PDE10A: variants seen among roughly 807,000 people sequenced by gnomAD.
The protein encoded by PDE10A is cAMP and cAMP-inhibited cGMP 3',5'-cyclic phosphodiesterase 10A.
A neutral mutation model predicts 97.7 loss-of-function variants in PDE10A; 39 were observed. The observed-to-expected ratio is 0.40, with a 90% CI of 0.31 to 0.52. The LOEUF is 0.52. Among genes scored for constraint, PDE10A ranks in the 20% least tolerant of loss-of-function variants. The pLI is 0.56. For missense variants in PDE10A, 731 were observed against 1,047.8 expected (o/e 0.70, Z 4.17); for synonymous variants, 371 against 376.8 (o/e 0.98, Z 0.18).
intron 1 of PDE10A, among the ~76,000 whole-genome samples, chr6:165,920,859 C>T (rs981860451): frequency 6.6e-6 from 1 of 152,072 alleles, no homozygotes; most frequent in Non-Finnish European, 1.5e-5. Flanking sequence ...TGTTCCTGAA[C>T]CACAGTAGAT....
At chr6:165,787,932 C>T (rs1435352276) in intron 1 of PDE10A, among the ~76,000 whole-genome samples, 2 of 152,322 alleles carry the variant, frequency 1.3e-5, no homozygotes, top group East Asian at 1.9e-4. Context: ...AGTTCTATAA[C>T]TTGTTTGCTA....
At chr6:165,492,281 A>C (rs1011748611) in intron 2 of PDE10A, among the ~76,000 whole-genome samples, 2 of 152,218 alleles carry the variant, frequency 1.3e-5, no homozygotes, top group East Asian at 1.9e-4. Context: ...CAGACATTCA[A>C]AGAAGAATTG....
At chr6:165,546,706 G>A (rs1783759916) in intron 1 of PDE10A, among the ~76,000 whole-genome samples, 1 of 151,990 alleles carries the variant, frequency 6.6e-6, no homozygotes, top group Non-Finnish European at 1.5e-5. Flanking sequence ...TAGATGGTGG[G>A]GACAAGATTT....
chr6:165,913,698 G>A (rs557719991), intron 1 of PDE10A, among the ~76,000 whole-genome samples: 17 of 152,098 alleles, frequency 1.1e-4, no homozygotes, highest in East Asian at 3.9e-4. Flanking sequence ...CTTGGGTCAC[G>A]GTTTCATAAA....
chr6:165,520,742 G>A (rs1782080570), intron 2 of PDE10A, among the ~76,000 whole-genome samples: 2 of 152,098 alleles, frequency 1.3e-5, no homozygotes, highest in African/African-American at 4.8e-5. Flanking sequence ...TGAGTTACTA[G>A]TTGGCCAGGA....
At chr6:165,528,592 T>A (rs1782586254) in intron 2 of PDE10A, among the ~76,000 whole-genome samples, 1 of 152,194 alleles carries the variant, frequency 6.6e-6, no homozygotes, top group Admixed American at 6.5e-5. Context: ...TGGATATAGG[T>A]TTGCCTATCC....
chr6:165,920,785 T>C (rs2128488324), intron 1 of PDE10A, among the ~76,000 whole-genome samples: 1 of 152,354 alleles, frequency 6.6e-6, no homozygotes, highest in East Asian at 1.9e-4. Context: ...TCACTCTGAA[T>C]AACACACTAG....
intron 7 of PDE10A, 51 bp from the exon 8 acceptor site, chr6:165,431,523 T>C (rs752968665): frequency 3.2e-6 from 2 of 616,648 alleles, no homozygotes; most frequent in Non-Finnish European, 5.3e-6. Context: ...ATAACGTATA[T>C]ATATATACTA....
intron 2 of PDE10A, 38 bp downstream of exon 2, chr6:165,543,402 A>T: frequency 6.3e-7 from 1 of 1,582,408 alleles, no homozygotes; most frequent in Non-Finnish European, 8.6e-7. Flanking sequence ...GTAAGATAGA[A>T]AAAGCTGGTT....
chr6:165,704,843 C>T (rs146450903), intron 1 of PDE10A, among the ~76,000 whole-genome samples: 5 of 152,172 alleles, frequency 3.3e-5, no homozygotes, highest in Non-Finnish European at 5.9e-5. Flanking sequence ...TGGGGAAAGG[C>T]GTACTTAGAC....
intron 18 of PDE10A, among the ~76,000 whole-genome samples, chr6:165,364,729 C>T (rs1180777327): frequency 1.3e-5 from 2 of 152,072 alleles, no homozygotes; most frequent in East Asian, 1.9e-4. Flanking sequence ...AAATATTGAT[C>T]AACTATAAAA....
intron 1 of PDE10A, among the ~76,000 whole-genome samples, chr6:165,876,112 T>C (rs1348461430): frequency 6.6e-6 from 1 of 152,244 alleles, no homozygotes; most frequent in Admixed American, 6.5e-5. Context: ...ATGTTTATGA[T>C]GCGACTGATC....
At chr6:165,410,822 C>T (rs1335638176) in intron 13 of PDE10A, among the ~76,000 whole-genome samples, 2 of 151,246 alleles carry the variant, frequency 1.3e-5, no homozygotes, top group Non-Finnish European at 2.9e-5. Context: ...GGCGCGGTGG[C>T]TCACGCCTGT....
In PDE10A at chr6:165,865,857, C is replaced by T. The variant is rs188555053; in HGVS notation, c.-615+121672G>A. Among the ~76,000 whole-genome samples, 616 of 152,150 alleles carry T rather than the reference C, an allele frequency of 4.0e-3. 4 individuals are homozygous for T. The highest frequency in any genetic ancestry group is 5.7e-3 in the Non-Finnish European group (389 of 67,986). ...AGAGATGAGTAAAGTAATAGAAACCCTATTTAATGAAATAATAGCTAAAAA... is the reference window on the plus strand; with the variant it reads ...AGAGATGAGTAAAGTAATAGAAACCTTATTTAATGAAATAATAGCTAAAAA... On this transcript the variant is annotated intron_variant, in intron 1 of 19. Transcript: ENST00000366882.
rs149028457 is a variant in PDE10A at position 165,765,801 on chromosome 6, C to G, written c.-615+221728G>C. Among the ~76,000 whole-genome samples, 1,185 of 152,316 alleles carry G rather than the reference C, an allele frequency of 7.8e-3. 8 individuals carry two copies. The highest frequency in any genetic ancestry group is 0.013 in the Non-Finnish European group (855 of 68,012). On this transcript the variant is annotated intron_variant, in intron 1 of 19. Coordinates refer to the PDE10A transcript ENST00000366882. ...GTGGGAGCCCAGGCAGAGGAGGCAC[C>G]CAGAGTGAGCGAGGGCTCTGAGGAC...
At chr6:165,536,357 C>A (rs1383860882) in intron 2 of PDE10A, among the ~76,000 whole-genome samples, 1 of 151,810 alleles carries the variant, frequency 6.6e-6, no homozygotes, top group Non-Finnish European at 1.5e-5. Context: ...TAAGAAGCTA[C>A]CAGAAAAAAA....
intron 1 of PDE10A, among the ~76,000 whole-genome samples, chr6:165,816,239 G>A (rs1017531050): frequency 6.6e-6 from 1 of 152,226 alleles, no homozygotes; most frequent in African/African-American, 2.4e-5. Context: ...GTGAGCCACT[G>A]CGCCTGGCCC....
chr6:165,349,131 G>A (rs761778433), intron 18 of PDE10A, among the ~76,000 whole-genome samples: 3 of 152,204 alleles, frequency 2.0e-5, no homozygotes, highest in African/African-American at 4.8e-5. Context: ...ACAGGCAGAC[G>A]TAAGAAGAGT....
intron 1 of PDE10A, among the ~76,000 whole-genome samples, chr6:165,558,972 C>T (rs747904099): frequency 4.6e-5 from 7 of 151,082 alleles, no homozygotes; most frequent in East Asian, 3.9e-4. Context: ...AAATAAATAA[C>T]GGAAGCACTA....
Sources: allele counts gnomAD v4.1 joint callset (sites outside exome capture counted in the v4.1 genomes callset), GRCh38; gene constraint gnomAD v4.1.1; transcripts MANE v1.5; gene names NCBI Gene and HGNC (gene_info 2026-07-23, HGNC 2026-07-21).